The following VKORC1L1 variants were observed in gnomAD, a reference collection of about 807,000 sequenced individuals.
VKORC1L1 encodes the protein vitamin K epoxide reductase complex subunit 1-like protein 1.
A neutral mutation model predicts 18.9 loss-of-function variants in VKORC1L1; 2 were observed. The ratio of observed to expected loss-of-function variants is 0.11; its 90% CI spans 0.04 to 0.33. The LOEUF (loss-of-function observed/expected upper bound fraction) is 0.33, where lower values mean the gene tolerates loss of function less well. VKORC1L1 is among the 10% of genes least tolerant of loss of function. The pLI, the probability that VKORC1L1 is intolerant of heterozygous loss-of-function variation, is 1.00. For missense variants in VKORC1L1, 123 were observed against 224.1 expected (o/e 0.55, Z 2.88); for synonymous variants, 96 against 100.0 (o/e 0.96, Z 0.24).
At chr7:65,928,427 C>G (rs1054315076) in intron 1 of VKORC1L1, among the ~76,000 whole-genome samples, 10 of 152,064 alleles carry the variant, frequency 6.6e-5, no homozygotes, top group Non-Finnish European at 1.5e-4. Flanking sequence ...CCATCCCTAA[C>G]TCCTGGCATG....
At chr7:65,919,036 A>G (rs1789632569) in intron 1 of VKORC1L1, among the ~76,000 whole-genome samples, 2 of 152,166 alleles carry the variant, frequency 1.3e-5, no homozygotes, top group African/African-American at 4.8e-5. Context: ...TGAAGGTTGC[A>G]GTGATCGCGC....
chr7:65,932,842 G>A (rs906771858), intron 1 of VKORC1L1, among the ~76,000 whole-genome samples: 1 of 152,154 alleles, frequency 6.6e-6, no homozygotes, highest in Non-Finnish European at 1.5e-5. Context: ...CACTTTGGGA[G>A]GCCAAGGCGG....
chr7:65,923,123 T>C (rs1051404325), intron 1 of VKORC1L1, among the ~76,000 whole-genome samples: 2 of 152,118 alleles, frequency 1.3e-5, no homozygotes, highest in Non-Finnish European at 2.9e-5. Flanking sequence ...CTGACATCTC[T>C]TAAAAAGATG....
chr7:65,886,760 A>G (rs1010675353), intron 1 of VKORC1L1, among the ~76,000 whole-genome samples: 1 of 149,692 alleles, frequency 6.7e-6, no homozygotes, highest in African/African-American at 2.5e-5. Context: ...GATGGTCTCA[A>G]TCTCCTGACC....
intron 1 of VKORC1L1, among the ~76,000 whole-genome samples, chr7:65,897,924 T>C (rs61665304): frequency 0.019 from 2,885 of 152,122 alleles, 51 homozygotes; most frequent in East Asian, 0.086. Context: ...GTAACATATA[T>C]TTACACACAC....
At chr7:65,932,770 C>G (rs1188544019) in intron 1 of VKORC1L1, among the ~76,000 whole-genome samples, 1 of 152,064 alleles carries the variant, frequency 6.6e-6, no homozygotes, top group Non-Finnish European at 1.5e-5. Flanking sequence ...ATGAAACTTC[C>G]ATGTGTATTT....
At chr7:65,890,114 C>T (rs1202498201) in intron 1 of VKORC1L1, among the ~76,000 whole-genome samples, 3 of 148,156 alleles carry the variant, frequency 2.0e-5, no homozygotes, top group African/African-American at 4.9e-5. Flanking sequence ...CACACCACCA[C>T]ACCTGGGTAA....
At chr7:65,889,221 T>C (rs1378377382) in intron 1 of VKORC1L1, among the ~76,000 whole-genome samples, 2 of 152,162 alleles carry the variant, frequency 1.3e-5, no homozygotes, top group African/African-American at 4.8e-5. Flanking sequence ...GTCTCACTCA[T>C]GGGTGAATCC....
chr7:65,924,005 T>C lies in VKORC1L1; in HGVS notation c.195-24666T>C, dbSNP rs552081868. ...AGTTTCTGAGATATGGGTGGGTAGTTGGATTTCTACTCTGATTACAAAGTC... is the reference window on the plus strand; with the variant it reads ...AGTTTCTGAGATATGGGTGGGTAGTCGGATTTCTACTCTGATTACAAAGTC... On this transcript the variant is annotated intron_variant, in intron 1 of 2. Transcript: ENST00000360768. Among the ~76,000 whole-genome samples, 12 of 152,252 alleles carry C rather than the reference T, an allele frequency of 7.9e-5. No homozygotes were observed. In the South Asian group the frequency reaches 2.5e-3, roughly 32 times the overall value.
At position 65,944,477 on chromosome 7, in the gene VKORC1L1, G is replaced by T. The variant is rs185449987; in HGVS notation, c.195-4194G>T. 1.3e-4 allele frequency among the ~76,000 whole-genome samples: 20 copies of T among 151,828 alleles called. No homozygotes were observed. In the East Asian group the frequency reaches 3.3e-3, roughly 25 times the overall value. On this transcript the variant is annotated intron_variant, in intron 1 of 2. Transcript: ENST00000360768. ...TTGAAGCTGGGTGATGGGTACCTGG[G>T]TTTTTTTTGTTTTTTTGTATGCGTT...
rs1028569776 is a variant in VKORC1L1, at chr7:65,942,258, C to T, written c.195-6413C>T. 4.0e-5 allele frequency among the ~76,000 whole-genome samples: 6 copies of T among 151,532 alleles called. No homozygotes were observed. The East Asian group carries it at 5.9e-4, about 15-fold the overall frequency. On this transcript the variant is annotated intron_variant, in intron 1 of 2. Coordinates refer to ENST00000360768, the MANE Select transcript of VKORC1L1 (RefSeq NM_173517.6). ...ATCCCAGCACTTTGGGAGGCTGAGACGAGCGGATCATGAGGTCAGGAGATT... is the reference window on the plus strand; with the variant it reads ...ATCCCAGCACTTTGGGAGGCTGAGATGAGCGGATCATGAGGTCAGGAGATT...
At chr7:65,941,497 T>C (rs1790032216) in intron 1 of VKORC1L1, among the ~76,000 whole-genome samples, 1 of 152,076 alleles carries the variant, frequency 6.6e-6, no homozygotes, top group Non-Finnish European at 1.5e-5. Context: ...TTATTCAATG[T>C]ATTTTTGTAC....
At chr7:65,913,302 T>G (rs1230251862) in intron 1 of VKORC1L1, among the ~76,000 whole-genome samples, 1 of 152,134 alleles carries the variant, frequency 6.6e-6, no homozygotes. Flanking sequence ...GCATAGACCC[T>G]TTGTTTTTTT....
chr7:65,928,127 T>G (rs369369546), intron 1 of VKORC1L1, among the ~76,000 whole-genome samples: 1 of 152,202 alleles, frequency 6.6e-6, no homozygotes, highest in South Asian at 2.1e-4. Flanking sequence ...GAAGAAAATT[T>G]TAAGCTTCTA....
Position 65,950,596 on chromosome 7 carries a change from C to G in VKORC1L1, c.304+1816C>G, listed in dbSNP as rs562965128. Among the ~76,000 whole-genome samples, 12 of 150,862 alleles carry G rather than the reference C, an allele frequency of 8.0e-5. No homozygotes were observed. In the South Asian group the frequency reaches 2.5e-3, roughly 32 times the overall value. Reference sequence around the variant, plus strand: ...TTGCAGAAGTAGAAAGATGTGTGCACAAGGATATTCATAGCAGTACAGTGT... The same window carrying G: ...TTGCAGAAGTAGAAAGATGTGTGCAGAAGGATATTCATAGCAGTACAGTGT... On this transcript the variant is annotated intron_variant, in intron 2 of 2. Coordinates refer to ENST00000360768, the MANE Select transcript of VKORC1L1 (RefSeq NM_173517.6).
At chr7:65,893,368 C>G (rs952614283) in intron 1 of VKORC1L1, among the ~76,000 whole-genome samples, 1 of 152,022 alleles carries the variant, frequency 6.6e-6, no homozygotes, top group African/African-American at 2.4e-5. Flanking sequence ...ATGGTGAAAC[C>G]CTGTTTCTAC....
chr7:65,928,576 AAC>A (rs1437404702), intron 1 of VKORC1L1, among the ~76,000 whole-genome samples: 2 of 152,204 alleles, frequency 1.3e-5, no homozygotes, highest in African/African-American at 4.8e-5. Context: ...CACCAAATGA[AAC>A]AATTCCTTTT....
intron 1 of VKORC1L1, among the ~76,000 whole-genome samples, chr7:65,931,532 C>A (rs987364141): frequency 3.9e-5 from 6 of 152,132 alleles, no homozygotes; most frequent in Non-Finnish European, 7.3e-5. Flanking sequence ...ATGTATATAA[C>A]TGTGTCTAGT....
rs867383140 is a variant in VKORC1L1 at position 65,943,952 on chromosome 7, T to C, written c.195-4719T>C. Among the ~76,000 whole-genome samples, 46 of 152,290 alleles carry C rather than the reference T, an allele frequency of 3.0e-4. 1 individual carries two copies. The highest frequency in any genetic ancestry group is 9.6e-4 in the African/African-American group (40 of 41,572). ...AAGCAAATGATTTCCAAAATATCAA[T>C]AACAAATCAGTAAATAAAGGTAATC... On this transcript the variant is annotated intron_variant, in intron 1 of 2. Transcript: ENST00000360768.
Sources: allele counts gnomAD v4.1 joint callset (sites outside exome capture counted in the v4.1 genomes callset), GRCh38; gene constraint gnomAD v4.1.1; transcripts MANE v1.5; gene names NCBI Gene and HGNC (gene_info 2026-07-23, HGNC 2026-07-21).